PCDHGB1: variants seen among roughly 807,000 people sequenced by gnomAD.
PCDHGB1 encodes protocadherin gamma-B1.
PCDHGB1 carries 34 observed loss-of-function variants against 56.6 expected under a neutral mutation model. The ratio of observed to expected loss-of-function variants is 0.60; its 90% CI spans 0.46 to 0.80. PCDHGB1 has a LOEUF of 0.80. Among genes scored for constraint, PCDHGB1 ranks in the 30% least tolerant of loss-of-function variants. The pLI is 0.00. For missense variants in PCDHGB1, 1,278 were observed against 1,204.6 expected, an observed-to-expected ratio of 1.06 and a Z score of -0.90; for synonymous variants, 561 against 505.9, an observed-to-expected ratio of 1.11 and a Z score of -1.46.
chr5:141,475,914 A>C (rs2099380300), intron 1 of PCDHGB1: 1 of 592,260 alleles, frequency 1.7e-6, no homozygotes, highest in African/African-American at 1.9e-5. Context: ...GCCAATGAAG[A>C]CGCTGGAGAT....
chr5:141,473,362 C>A (rs2099320242), intron 1 of PCDHGB1, among the ~76,000 whole-genome samples: 1 of 152,166 alleles, frequency 6.6e-6, no homozygotes, highest in Admixed American at 6.5e-5. Context: ...AAGTGGCCAC[C>A]AAAATAGCAT....
At chr5:141,395,374 T>A in intron 1 of PCDHGB1, 1 of 1,187,898 alleles carries the variant, frequency 8.4e-7, no homozygotes. Context: ...ATTTTGGTGG[T>A]GTTACTATAA....
At position 141,408,680 on chromosome 5, in the gene PCDHGB1, C is replaced by G. The variant is rs774572788; in HGVS notation, c.2409+56011C>G. 1.5e-4 allele frequency: 245 copies of G among 1,613,812 alleles called. No homozygotes were observed. Among genetic ancestry groups the G allele is most frequent in the Non-Finnish European group, 1.9e-4 (222 of 1,179,872 alleles). On this transcript the variant is annotated intron_variant, in intron 1 of 3. Coordinates refer to ENST00000523390, the MANE Select transcript of PCDHGB1 (RefSeq NM_018922.3). ...ACTATCGCTTGACCCTGCCACGGAT[C>G]CTGATATAAACATAAACTCAATTAA...
chr5:141,460,909 G>GGT (rs548378036), intron 1 of PCDHGB1, among the ~76,000 whole-genome samples: 1,853 of 123,260 alleles, frequency 0.015, 18 homozygotes, highest in Non-Finnish European at 0.019. Context: ...AATATTCCAT[G>GGT]GTGTATATAT....
At position 141,350,365 on chromosome 5, in the gene PCDHGB1, T is replaced by C; in HGVS notation, c.105T>C (p.Ile35=). The change falls in exon 1 of 4, where the codon ATT becomes ATC. Residue 35 remains isoleucine (I), a synonymous_variant. Transcript: ENST00000523390. ...GAISQQIRYT[I]PEELANGSRV... ...TCTCCCAGCAGATCCGATACACGAT[T>C]CCAGAGGAGCTAGCCAACGGCTCAC... is the stretch of plus-strand genomic sequence containing the variant. The C allele has an allele frequency of 6.3e-7, 1 of 1,579,298 alleles. No homozygotes were observed. The highest frequency in any genetic ancestry group is 8.6e-7 in the Non-Finnish European group (1 of 1,161,590).
rs930862898 is a variant in PCDHGB1 at position 141,480,073 on chromosome 5, C to A, written c.2410-14734C>A. ...GGAATAATAAGTGTTTTATAAGATT[C>A]ATGCATGATATAATGTATGCAAAGT... On this transcript the variant is annotated intron_variant, in intron 1 of 3. Coordinates refer to ENST00000523390, the MANE Select transcript of PCDHGB1 (RefSeq NM_018922.3). Among the ~76,000 whole-genome samples, 5 of 152,174 alleles carry A rather than the reference C, an allele frequency of 3.3e-5. No homozygotes were observed. In the South Asian group the frequency reaches 8.3e-4, roughly 25 times the overall value.
At chr5:141,396,410 G>C (rs2093377441) in intron 1 of PCDHGB1, 1 of 152,250 alleles carries the variant, frequency 6.6e-6, no homozygotes, top group Non-Finnish European at 1.5e-5. Context: ...CCTGAGGTCA[G>C]GAGTTCAAGA....
intron 1 of PCDHGB1, chr5:141,404,202 AAT>A: frequency 6.2e-7 from 1 of 1,613,738 alleles, no homozygotes; most frequent in Non-Finnish European, 8.5e-7. Context: ...AAAGCCTCAG[AAT>A]ATAATATCAC....
intron 2 of PCDHGB1, among the ~76,000 whole-genome samples, chr5:141,496,467 TC>T (rs1289225541): frequency 1.3e-5 from 2 of 152,176 alleles, no homozygotes; most frequent in Admixed American, 1.3e-4. Flanking sequence ...GAGTTATCTT[TC>T]CCCCATCCTG....
At chr5:141,372,131 G>C (rs181587030) in intron 1 of PCDHGB1, 4 of 1,613,644 alleles carry the variant, frequency 2.5e-6, no homozygotes, top group African/African-American at 1.3e-5. Context: ...ATATGGTGCC[G>C]CGCTCTGCAG....
At chr5:141,504,660 C>T (rs1002186811) in intron 2 of PCDHGB1, among the ~76,000 whole-genome samples, 8 of 101,980 alleles carry the variant, frequency 7.8e-5, no homozygotes, top group Admixed American at 5.7e-4. Flanking sequence ...TGTTTGAGGG[C>T]GGGGGGTGGG....
chr5:141,487,689 A>G lies in PCDHGB1; in HGVS notation c.2410-7118A>G. 6.2e-7 allele frequency: 1 copy of G among 1,605,144 alleles called. No homozygotes were observed. The highest frequency in any genetic ancestry group is 1.7e-4 in the Middle Eastern group (1 of 6,050). ...GGCATATGGCTAGGCCATGTCCTAG[A>G]GAGTACTGGCCTCTCAGTAAGTGCC... On this transcript the variant is annotated intron_variant, in intron 1 of 3. Coordinates refer to ENST00000523390, the MANE Select transcript of PCDHGB1 (RefSeq NM_018922.3). This position sits in a 1 kb window ranked among gnomAD's most constrained non-coding sequence, Gnocchi z 5.0.
At chr5:141,427,721 A>C (rs904969652) in intron 1 of PCDHGB1, 3 of 1,110,498 alleles carry the variant, frequency 2.7e-6, no homozygotes, top group Non-Finnish European at 4.0e-6. Context: ...ACCTGGACCT[A>C]GGGCTGAATG....
At position 141,351,430 on chromosome 5, in the gene PCDHGB1, A is replaced by T; in HGVS notation, c.1170A>T (p.Leu390Phe). 1 of 1,612,126 alleles carries T rather than the reference A, an allele frequency of 6.2e-7. No homozygotes were observed. Among genetic ancestry groups the T allele is most frequent in the East Asian group, 2.2e-5 (1 of 44,854 alleles). The change falls in exon 1 of 4, where the codon TTA becomes TTT. Residue 390 changes from leucine to phenylalanine, a missense_variant. Leu to Phe is a conservative substitution (Grantham distance 22). Transcript: ENST00000523390. ...CYTQEEVPFK[L>F]ESTSKNYYKL... ...CTCAGGAAGAAGTTCCTTTCAAATT[A>T]GAATCCACCTCGAAGAATTATTACA...
At chr5:141,359,582 T>C (rs936451476) in intron 1 of PCDHGB1, among the ~76,000 whole-genome samples, 2 of 151,660 alleles carry the variant, frequency 1.3e-5, no homozygotes, top group African/African-American at 2.4e-5. Flanking sequence ...CTTTAAGATA[T>C]AACAACTAAA....
At chr5:141,364,203 C>G (rs1763215170) in intron 1 of PCDHGB1, 2 of 1,152,828 alleles carry the variant, frequency 1.7e-6, no homozygotes, top group Non-Finnish European at 1.2e-6. Flanking sequence ...ACAGACCAGA[C>G]AAGCTCCTAC....
chr5:141,491,414 G>C lies in PCDHGB1; in HGVS notation c.2410-3393G>C, dbSNP rs137987971. 35 of 1,614,008 alleles carry C rather than the reference G, an allele frequency of 2.2e-5. No homozygotes were observed. Among genetic ancestry groups the C allele is most frequent in the African/African-American group, 1.3e-4 (10 of 74,910 alleles). On this transcript the variant is annotated intron_variant, in intron 1 of 3. Coordinates refer to ENST00000523390, the MANE Select transcript of PCDHGB1 (RefSeq NM_018922.3). The surrounding 1 kb of genome is among the most constrained non-coding windows in gnomAD (Gnocchi z 6.9). ...CTTCAGGGAAACGCAGACGGGGACG[G>C]GGGTGGAGGGCAGTGCTGCAGGCGC...
At chr5:141,435,575 C>T (rs1054936213) in intron 1 of PCDHGB1, among the ~76,000 whole-genome samples, 2 of 152,088 alleles carry the variant, frequency 1.3e-5, no homozygotes, top group South Asian at 2.1e-4. Context: ...AGTACTGGGG[C>T]AAATTTGCAG....
chr5:141,372,041 C>T (rs779511565), intron 1 of PCDHGB1: 1 of 1,613,492 alleles, frequency 6.2e-7, no homozygotes, highest in South Asian at 1.1e-5. Flanking sequence ...TGAGCCTGCG[C>T]GTGTTGGTGG....
Sources: gnomAD v4.1 joint callset for allele counts (sites outside exome capture counted in the v4.1 genomes callset) on GRCh38, gnomAD v4.1.1 for gene constraint, Gnocchi (gnomAD v3.1) non-coding constraint, MANE v1.5 for transcripts, NCBI Gene and HGNC (gene_info 2026-07-23, HGNC 2026-07-21) for gene names.